Variants in ANKS1B observed in about 807,000 individuals in gnomAD.
The protein encoded by ANKS1B is ankyrin repeat and sterile alpha motif domain containing 1B, also known as ankyrin repeat and sterile alpha motif domain-containing protein 1B.
A neutral mutation model predicts 148.3 loss-of-function variants in ANKS1B; 36 were observed. The observed-to-expected ratio is 0.24, with a 90% confidence interval of 0.19 to 0.32. ANKS1B has a LOEUF of 0.32. Among genes scored for constraint, ANKS1B ranks in the 10% least tolerant of loss-of-function variants. The pLI, the probability that ANKS1B is intolerant of heterozygous loss-of-function variation, is 1.00. For synonymous variants in ANKS1B, 542 were observed against 560.8 expected, an observed-to-expected ratio of 0.97 and a Z score of 0.47; for missense variants, 1,157 against 1,542.6, an observed-to-expected ratio of 0.75 and a Z score of 4.19.
chr12:99,607,713 C>T (rs562572913), intron 9 of ANKS1B, among the ~76,000 whole-genome samples: 1 of 152,138 alleles, frequency 6.6e-6, no homozygotes, highest in East Asian at 1.9e-4. Context: ...TTCATGGGAC[C>T]AGTTTCTAAA....
intron 17 of ANKS1B, among the ~76,000 whole-genome samples, chr12:98,956,836 C>G (rs1360454698): frequency 1.3e-5 from 2 of 152,086 alleles, no homozygotes; most frequent in Non-Finnish European, 2.9e-5. Flanking sequence ...ATTTCCATGC[C>G]TTTGCTCTCT....
intron 10 of ANKS1B, among the ~76,000 whole-genome samples, chr12:99,498,547 C>T (rs563003097): frequency 6.6e-5 from 10 of 152,270 alleles, no homozygotes; most frequent in African/African-American, 2.2e-4. Context: ...TCCCCTTCTA[C>T]TCTCCCAGAG....
rs528584027 is a variant in ANKS1B at position 99,324,792 on chromosome 12, AT to A, written c.1756+74838del. Among the ~76,000 whole-genome samples, 6 of 151,218 alleles carry A rather than the reference AT, an allele frequency of 4.0e-5. No homozygotes were observed. The South Asian group carries it at 6.3e-4, about 16-fold the overall frequency. The stretch of plus-strand genomic sequence containing the variant: ...GAAACTTAGTAATTTACTAACCATC[AT>A]TTTTTTTTCTAAAAAGAAATATCAG... On this transcript the variant is annotated intron_variant, in intron 12 of 26. Coordinates refer to ENST00000683438, the MANE Select transcript of ANKS1B (RefSeq NM_001352186.2).
Position 98,880,950 on chromosome 12 carries a change from A to T in ANKS1B, c.2779-48814T>A, listed in dbSNP as rs1489120391. Among the ~76,000 whole-genome samples, 5 of 152,150 alleles carry T rather than the reference A, an allele frequency of 3.3e-5. No homozygotes were observed. The South Asian group carries it at 1.0e-3, about 32-fold the overall frequency. On this transcript the variant is annotated intron_variant, in intron 17 of 26. Transcript: ENST00000683438. ...AAATTCTAAATTACAAACCGAAAAA[A>T]AATTTTGAATGGCAAACAGACACTG...
intron 4 of ANKS1B, among the ~76,000 whole-genome samples, chr12:99,782,692 C>T (rs747577898): frequency 6.6e-6 from 1 of 152,142 alleles, no homozygotes; most frequent in Non-Finnish European, 1.5e-5. Flanking sequence ...ATGCAAGAAG[C>T]TCATTTAATC....
chr12:99,321,725 A>C (rs1317672500), intron 12 of ANKS1B, among the ~76,000 whole-genome samples: 2 of 152,160 alleles, frequency 1.3e-5, no homozygotes, highest in East Asian at 1.9e-4. Context: ...AGATGAACCC[A>C]GTGCCTCAGA....
At chr12:99,017,998 T>C (rs78224459) in intron 17 of ANKS1B, among the ~76,000 whole-genome samples, 3,049 of 152,262 alleles carry the variant, frequency 0.02, 107 homozygotes, top group African/African-American at 0.069. Context: ...AAAACAGCCA[T>C]AGATGCATCT....
At chr12:99,016,238 AC>A (rs2099942479) in intron 17 of ANKS1B, among the ~76,000 whole-genome samples, 1 of 152,196 alleles carries the variant, frequency 6.6e-6, no homozygotes, top group South Asian at 2.1e-4. Flanking sequence ...AACCCATGAC[AC>A]CCCTAACATA....
In ANKS1B at chr12:99,246,448, C is replaced by A. The variant is rs374146819; in HGVS notation, c.2173G>T (p.Ala725Ser). The A allele has an allele frequency of 6.2e-7, 1 of 1,613,680 alleles. No homozygotes were observed. Among genetic ancestry groups the A allele is most frequent in the Admixed American group, 1.7e-5 (1 of 59,970 alleles). ...TLGRIRSLPKALIDMHLSKSV... is the reference protein window; with the variant it reads ...TLGRIRSLPKSLIDMHLSKSV... ...TTTGACAAATGCATGTCGATCAAGGCTTTAGGCAATGACCTTATTCTCCCC... is the reference window on the plus strand; with the variant it reads ...TTTGACAAATGCATGTCGATCAAGGATTTAGGCAATGACCTTATTCTCCCC... Residue 725 changes from alanine to serine, a missense_variant, in exon 13 of 27, where the codon GCC becomes TCC. Ala to Ser is a moderately conservative substitution (Grantham distance 99). Transcript: ENST00000683438.
At position 99,246,664 on chromosome 12, in the gene ANKS1B, T is replaced by C. The variant is rs550627459; in HGVS notation, c.1957A>G (p.Ile653Val). ...ACCAAAGGTTCTGAGTTATTTTCTA[T>C]TGGAGACTGCTTGAAAGGCAAAGGA... ...NSPLPFKQSPIENNSEPLVKK... is the reference protein window; with the variant it reads ...NSPLPFKQSPVENNSEPLVKK... The change falls in exon 13 of 27, where the codon ATA becomes GTA. Residue 653 changes from isoleucine to valine, a missense_variant. Around this residue, in one of 6 missense-constraint regions of ANKS1B, gnomAD observed 661 missense variants for 642.1 expected, o/e 1.03. Transcript: ENST00000683438. 30 of 1,613,918 alleles carry C rather than the reference T, an allele frequency of 1.9e-5. No homozygotes were observed. The highest frequency in any genetic ancestry group is 1.2e-4 in the South Asian group (11 of 91,082).
intron 17 of ANKS1B, among the ~76,000 whole-genome samples, chr12:99,032,166 CAT>C (rs2099952626): frequency 6.6e-6 from 1 of 152,194 alleles, no homozygotes; most frequent in South Asian, 2.1e-4. Flanking sequence ...CCATTTATCA[CAT>C]AGTCTATTGC....
chr12:99,320,296 T>C (rs1309997836), intron 12 of ANKS1B, among the ~76,000 whole-genome samples: 1 of 152,252 alleles, frequency 6.6e-6, no homozygotes, highest in Admixed American at 6.5e-5. Context: ...TTTTCCAACT[T>C]GGTTCTGTTC....
intron 15 of ANKS1B, among the ~76,000 whole-genome samples, chr12:99,108,921 T>C (rs902484392): frequency 2.6e-5 from 4 of 151,994 alleles, no homozygotes; most frequent in African/African-American, 9.6e-5. Flanking sequence ...GGAGGTGAGA[T>C]ACATGGTACT....
At chr12:99,363,347 C>T (rs1359916562) in intron 12 of ANKS1B, among the ~76,000 whole-genome samples, 1 of 152,082 alleles carries the variant, frequency 6.6e-6, no homozygotes, top group Non-Finnish European at 1.5e-5. Flanking sequence ...CTTTAACAGA[C>T]TTGTTCATTA....
At chr12:99,348,128 T>C (rs2090970944) in intron 12 of ANKS1B, among the ~76,000 whole-genome samples, 1 of 151,888 alleles carries the variant, frequency 6.6e-6, no homozygotes, top group African/African-American at 2.4e-5. Flanking sequence ...GATAAATCAA[T>C]TGAAATTATC....
intron 9 of ANKS1B, among the ~76,000 whole-genome samples, chr12:99,650,222 T>C (rs1023193667): frequency 1.2e-4 from 13 of 104,246 alleles, no homozygotes; most frequent in African/African-American, 4.2e-4. Flanking sequence ...GATATGATCC[T>C]ACATTAGGAG....
chr12:99,535,219 C>T (rs1362528282), intron 9 of ANKS1B, among the ~76,000 whole-genome samples: 1 of 152,184 alleles, frequency 6.6e-6, no homozygotes, highest in Admixed American at 6.5e-5. Context: ...ATTCTTGTTA[C>T]CATTACTCTA....
chr12:99,814,023 A>G (rs1370011133), intron 2 of ANKS1B, among the ~76,000 whole-genome samples: 1 of 151,762 alleles, frequency 6.6e-6, no homozygotes, highest in Non-Finnish European at 1.5e-5. Flanking sequence ...AGATACATAA[A>G]TACTTTCTGT....
intron 17 of ANKS1B, among the ~76,000 whole-genome samples, chr12:98,952,921 C>T (rs182129128): frequency 4.6e-5 from 7 of 152,136 alleles, no homozygotes; most frequent in East Asian, 1.9e-4. Flanking sequence ...TGAAGTGGTG[C>T]GATCATGGCT....
Sources: allele counts gnomAD v4.1 joint callset (sites outside exome capture counted in the v4.1 genomes callset), GRCh38; gene constraint gnomAD v4.1.1; regional missense constraint gnomAD v4.1.1; transcripts MANE v1.5; gene names NCBI Gene and HGNC (gene_info 2026-07-23, HGNC 2026-07-21).